The following RXFP1 variants were observed in gnomAD, a reference collection of about 807,000 sequenced individuals.
The protein encoded by RXFP1 is relaxin receptor 1.
A neutral mutation model predicts 89.8 loss-of-function variants in RXFP1; 73 were observed. The observed-to-expected ratio is 0.81, with a 90% CI of 0.67 to 0.99. The LOEUF (loss-of-function observed/expected upper bound fraction) is 0.99. Ranked by LOEUF, RXFP1 falls within the 50% of genes least tolerant of loss-of-function variation. The pLI is 0.00. For synonymous variants in RXFP1, 277 were observed against 305.5 expected (o/e 0.91, Z 0.97); for missense variants, 793 against 895.5 (o/e 0.89, Z 1.46).
intron 4 of RXFP1, among the ~76,000 whole-genome samples, chr4:158,600,687 G>C (rs749346220): frequency 8.6e-5 from 13 of 151,926 alleles, no homozygotes; most frequent in Non-Finnish European, 1.8e-4. Flanking sequence ...AATTAGCCAG[G>C]TATGATGGCC....
intron 2 of RXFP1, among the ~76,000 whole-genome samples, chr4:158,587,719 A>G (rs1317605317): frequency 3.3e-5 from 5 of 152,138 alleles, no homozygotes; most frequent in Non-Finnish European, 4.4e-5. Flanking sequence ...AGGTCACCTA[A>G]CCTTCTTCAG....
chr4:158,622,049 G>T (rs548169972), intron 9 of RXFP1, among the ~76,000 whole-genome samples: 1 of 152,222 alleles, frequency 6.6e-6, no homozygotes, highest in Non-Finnish European at 1.5e-5. Flanking sequence ...GGTGGCTTAC[G>T]CCTGTAATCC....
chr4:158,615,598 G>A (rs1287417344), intron 8 of RXFP1, among the ~76,000 whole-genome samples: 1 of 151,780 alleles, frequency 6.6e-6, no homozygotes, highest in Non-Finnish European at 1.5e-5. Context: ...AAACTACTGC[G>A]ATAGTAACAT....
chr4:158,524,844 T>TTCAC (rs1553988558), intron 1 of RXFP1, among the ~76,000 whole-genome samples: 5 of 151,994 alleles, frequency 3.3e-5, no homozygotes, highest in Non-Finnish European at 7.3e-5. Flanking sequence ...AAACAATTCT[T>TTCAC]TTAATGTTTT....
chr4:158,597,655 G>T (rs1241459221), intron 3 of RXFP1, among the ~76,000 whole-genome samples: 2 of 151,514 alleles, frequency 1.3e-5, no homozygotes, highest in Non-Finnish European at 2.9e-5. Context: ...TTTCCCTATT[G>T]CAGATAACCC....
intron 1 of RXFP1, among the ~76,000 whole-genome samples, chr4:158,561,482 G>A (rs1212264219): frequency 2.6e-5 from 4 of 151,994 alleles, no homozygotes; most frequent in African/African-American, 9.7e-5. Flanking sequence ...TAAATTTTGT[G>A]TTTAGATTTG....
rs557094616 is a variant in RXFP1 at position 158,569,898 on chromosome 4, A to T, written c.50-2800A>T. On this transcript the variant is annotated intron_variant, in intron 1 of 17. Coordinates refer to ENST00000307765, the MANE Select transcript of RXFP1 (RefSeq NM_021634.4). ...TTTAATTAATTGATTGTTAGTGTAG[A>T]TGAGTGTGTCTGGTGCAAAGAGGTT... 2.6e-5 allele frequency among the ~76,000 whole-genome samples: 4 copies of T among 152,140 alleles called. No individual in the cohort carries two copies. The East Asian group carries it at 7.8e-4, about 29-fold the overall frequency.
intron 1 of RXFP1, among the ~76,000 whole-genome samples, chr4:158,558,551 G>A (rs1170300045): frequency 6.6e-6 from 1 of 152,118 alleles, no homozygotes; most frequent in African/African-American, 2.4e-5. Flanking sequence ...AAAAAATAAA[G>A]CTGAACCAAA....
chr4:158,563,496 GCACACACA>G (rs145181248), intron 1 of RXFP1, among the ~76,000 whole-genome samples: 2,848 of 141,998 alleles, frequency 0.02, 32 homozygotes, highest in African/African-American at 0.036. Flanking sequence ...AGAATTCAAT[GCACACACA>G]CACACACACA....
At chr4:158,623,821 C>G (rs1244288491) in intron 9 of RXFP1, among the ~76,000 whole-genome samples, 1 of 152,146 alleles carries the variant, frequency 6.6e-6, no homozygotes, top group African/African-American at 2.4e-5. Flanking sequence ...TCTTTTCCTT[C>G]TTTATCCAGA....
At chr4:158,591,407 GT>G (rs560379520) in intron 2 of RXFP1, among the ~76,000 whole-genome samples, 3 of 152,076 alleles carry the variant, frequency 2.0e-5, no homozygotes, top group Non-Finnish European at 4.4e-5. Context: ...GTATTTGCTG[GT>G]TTCTGGGGCA....
At chr4:158,617,939 A>G (rs1764909557) in intron 9 of RXFP1, among the ~76,000 whole-genome samples, 1 of 152,172 alleles carries the variant, frequency 6.6e-6, no homozygotes, top group Non-Finnish European at 1.5e-5. Context: ...TAGAGTCAGA[A>G]GCATTGATTG....
intron 1 of RXFP1, among the ~76,000 whole-genome samples, chr4:158,524,276 C>T (rs1466482056): frequency 6.6e-6 from 1 of 152,198 alleles, no homozygotes; most frequent in Admixed American, 6.5e-5. Context: ...TGATAATTCT[C>T]AGTAGCCATA....
chr4:158,642,538 G>C (rs1027632986), intron 14 of RXFP1, among the ~76,000 whole-genome samples: 1 of 152,108 alleles, frequency 6.6e-6, no homozygotes, highest in Non-Finnish European at 1.5e-5. Context: ...AGAACATGAG[G>C]TGTTTAACAT....
chr4:158,631,864 G>C (rs575906272), intron 11 of RXFP1, among the ~76,000 whole-genome samples: 1 of 152,124 alleles, frequency 6.6e-6, no homozygotes, highest in Non-Finnish European at 1.5e-5. Flanking sequence ...AGGCTGAGAC[G>C]GGATGATCAC....
chr4:158,581,316 G>A (rs1161915574), intron 2 of RXFP1, among the ~76,000 whole-genome samples: 1 of 152,158 alleles, frequency 6.6e-6, no homozygotes, highest in African/African-American at 2.4e-5. Context: ...GAAGTACAGA[G>A]AGGTTACATA....
chr4:158,632,342 C>T (rs1216730974), intron 11 of RXFP1, among the ~76,000 whole-genome samples: 2 of 152,202 alleles, frequency 1.3e-5, no homozygotes, highest in East Asian at 1.9e-4. Context: ...AAAAATCTAA[C>T]GTTTGCCTTA....
At position 158,646,907 on chromosome 4, in the gene RXFP1, G is replaced by T. The variant is rs749807802; in HGVS notation, c.1462G>T (p.Val488Leu). ...LWMESTHCQL[V>L]GSLAILSTEV... Reference sequence around the variant, plus strand: ...GATGGAGAGTACTCATTGTCAGCTTGTAGGATCTTTGGCCATTCTGTCCAC... The same window carrying T: ...GATGGAGAGTACTCATTGTCAGCTTTTAGGATCTTTGGCCATTCTGTCCAC... The change falls in exon 16 of 18, where the codon GTA becomes TTA. Residue 488 changes from valine to leucine, a missense_variant. Val to Leu is a conservative substitution (Grantham distance 32, BLOSUM62 1). Coordinates refer to ENST00000307765, the MANE Select transcript of RXFP1 (RefSeq NM_021634.4). The T allele has an allele frequency of 5.0e-6, 8 of 1,614,056 alleles. No homozygotes were observed. The highest frequency in any genetic ancestry group is 2.7e-5 in the African/African-American group (2 of 74,938).
chr4:158,590,411 C>T (rs541044132), intron 2 of RXFP1, among the ~76,000 whole-genome samples: 3 of 152,290 alleles, frequency 2.0e-5, no homozygotes, highest in Admixed American at 6.5e-5. Context: ...CTGCCTGCTT[C>T]GGCCTCCCAA....
Sources: gnomAD v4.1 joint callset for allele counts (sites outside exome capture counted in the v4.1 genomes callset) on GRCh38, gnomAD v4.1.1 for gene constraint, MANE v1.5 for transcripts, NCBI Gene and HGNC (gene_info 2026-07-23, HGNC 2026-07-21) for gene names.